Variants in UNC13C observed in about 807,000 individuals in gnomAD.
UNC13C encodes protein unc-13 homolog C.
In UNC13C, 174 loss-of-function variants were observed where a neutral mutation model predicts 245.4. The observed-to-expected ratio is 0.71, with a 90% confidence interval of 0.63 to 0.80. UNC13C has a LOEUF of 0.80. Among genes scored for constraint, UNC13C ranks in the 30% least tolerant of loss-of-function variants. UNC13C has a pLI of 0.00. For synonymous variants in UNC13C, 992 were observed against 895.1 expected (o/e 1.11, Z -1.93); for missense variants, 2,829 against 2,602.9 (o/e 1.09, Z -1.89).
chr15:54,210,432 G>A (rs995559742), intron 4 of UNC13C, among the ~76,000 whole-genome samples: 18 of 151,772 alleles, frequency 1.2e-4, no homozygotes, highest in Non-Finnish European at 2.7e-4. Flanking sequence ...GAAATGCAAT[G>A]CTATGTCAAA....
At chr15:54,476,135 G>A (rs1488533617) in intron 19 of UNC13C, among the ~76,000 whole-genome samples, 1 of 114,886 alleles carries the variant, frequency 8.7e-6, no homozygotes, top group Non-Finnish European at 1.8e-5. Flanking sequence ...CATGTCCTTT[G>A]CCCACTTTTT....
At chr15:54,227,297 C>T (rs1044704916) in intron 4 of UNC13C, among the ~76,000 whole-genome samples, 1 of 152,170 alleles carries the variant, frequency 6.6e-6, no homozygotes, top group African/African-American at 2.4e-5. Context: ...AGTTCTCACT[C>T]CTGGCTGTGG....
intron 30 of UNC13C, among the ~76,000 whole-genome samples, chr15:54,594,400 C>T (rs1390278128): frequency 6.7e-6 from 1 of 150,234 alleles, no homozygotes; most frequent in East Asian, 1.9e-4. Context: ...AGATTGTACT[C>T]CCTTTGGCTT....
chr15:53,950,230 T>C, the UNC13C span, among the ~76,000 whole-genome samples: 1 of 152,164 alleles, frequency 6.6e-6, no homozygotes, highest in Non-Finnish European at 1.5e-5. Context: ...AAACCTTATA[T>C]TAATTTGTTT....
chr15:54,021,501 G>A (rs1025007160), intron 2 of UNC13C, among the ~76,000 whole-genome samples: 5 of 152,136 alleles, frequency 3.3e-5, no homozygotes, highest in African/African-American at 1.2e-4. Context: ...AGTTACATCC[G>A]TGTTGTCACA....
the UNC13C span, among the ~76,000 whole-genome samples, chr15:53,883,983 C>G: frequency 1.3e-5 from 2 of 152,120 alleles, no homozygotes; most frequent in Non-Finnish European, 2.9e-5. Context: ...TTCTGTTTTT[C>G]TCTCTACTAT....
At chr15:53,998,804 A>G (rs907367928) in intron 1 of UNC13C, among the ~76,000 whole-genome samples, 13 of 152,100 alleles carry the variant, frequency 8.5e-5, no homozygotes, top group African/African-American at 1.9e-4. Context: ...GTTTTATGGC[A>G]TAAATGGGTG....
At chr15:54,595,809 A>C (rs1899046134) in intron 30 of UNC13C, among the ~76,000 whole-genome samples, 1 of 152,228 alleles carries the variant, frequency 6.6e-6, no homozygotes, top group Non-Finnish European at 1.5e-5. Flanking sequence ...TCTTTGGCTT[A>C]TCTGGACAGA....
At chr15:54,025,315 A>G (rs774505448) in intron 2 of UNC13C, among the ~76,000 whole-genome samples, 3 of 152,232 alleles carry the variant, frequency 2.0e-5, no homozygotes, top group East Asian at 1.9e-4. Flanking sequence ...ACACAAACAC[A>G]TACTTTCTTT....
intron 1 of UNC13C, among the ~76,000 whole-genome samples, chr15:54,004,957 T>C (rs764314563): frequency 1.3e-5 from 2 of 152,120 alleles, no homozygotes; most frequent in East Asian, 1.9e-4. Flanking sequence ...ATTCTCTGGG[T>C]TGTCTCTTCA....
intron 17 of UNC13C, among the ~76,000 whole-genome samples, chr15:54,387,950 T>C (rs774230953): frequency 2.0e-5 from 3 of 152,114 alleles, no homozygotes; most frequent in Non-Finnish European, 4.4e-5. Flanking sequence ...GCTTTGCACA[T>C]TGCAAAGCAC....
At chr15:54,246,108 T>G (rs2035983517) in intron 7 of UNC13C, among the ~76,000 whole-genome samples, 1 of 152,210 alleles carries the variant, frequency 6.6e-6, no homozygotes, top group Non-Finnish European at 1.5e-5. Flanking sequence ...AGGCTCTTTT[T>G]AGTTTCTTCA....
At chr15:54,217,671 CA>C (rs2035082734) in intron 4 of UNC13C, among the ~76,000 whole-genome samples, 1 of 151,922 alleles carries the variant, frequency 6.6e-6, no homozygotes, top group African/African-American at 2.4e-5. Context: ...GTATTATCTC[CA>C]TCAGTGCTCC....
At chr15:54,513,740 T>G (rs1261887323) in intron 24 of UNC13C, among the ~76,000 whole-genome samples, 1 of 152,162 alleles carries the variant, frequency 6.6e-6, no homozygotes, top group African/African-American at 2.4e-5. Context: ...CGTAAATAAA[T>G]CAGTGAAATA....
chr15:53,852,859 C>T, the UNC13C span, among the ~76,000 whole-genome samples: 3 of 151,926 alleles, frequency 2.0e-5, no homozygotes, highest in South Asian at 2.1e-4. Flanking sequence ...ATCTAGTTAC[C>T]TGTTTATTTG....
chr15:54,144,132 A>G (rs12592088), intron 4 of UNC13C, among the ~76,000 whole-genome samples: 2,921 of 152,282 alleles, frequency 0.019, 71 homozygotes, highest in East Asian at 0.093. Flanking sequence ...TACACTTAAC[A>G]TAAGTATCAA....
chr15:54,105,706 T>C (rs1900410898), intron 2 of UNC13C, among the ~76,000 whole-genome samples: 1 of 152,148 alleles, frequency 6.6e-6, no homozygotes, highest in Non-Finnish European at 1.5e-5. Context: ...GCAGAAATCA[T>C]GAAAATCTGA....
intron 10 of UNC13C, among the ~76,000 whole-genome samples, chr15:54,272,543 G>A (rs994804536): frequency 1.3e-5 from 2 of 152,174 alleles, no homozygotes; most frequent in African/African-American, 4.8e-5. Flanking sequence ...CAAGTCATTT[G>A]TCACAGAAGA....
At chr15:54,038,502 T>C (rs1176528886) in intron 2 of UNC13C, among the ~76,000 whole-genome samples, 1 of 152,162 alleles carries the variant, frequency 6.6e-6, no homozygotes, top group African/African-American at 2.4e-5. Flanking sequence ...TTAAGGAGGC[T>C]TTAAATTAAT....
Sources: gnomAD v4.1 joint callset for allele counts (sites outside exome capture counted in the v4.1 genomes callset) on GRCh38, gnomAD v4.1.1 for gene constraint, MANE v1.5 for transcripts, NCBI Gene and HGNC (gene_info 2026-07-23, HGNC 2026-07-21) for gene names.